IL7: variants seen among roughly 807,000 people sequenced by gnomAD.
IL7 encodes interleukin 7, also known as interleukin-7.
IL7 carries 3 observed loss-of-function variants against 21.6 expected under a neutral mutation model. The observed-to-expected ratio is 0.14, with a 90% confidence interval of 0.06 to 0.36. The LOEUF (loss-of-function observed/expected upper bound fraction) is 0.36, where lower values mean the gene tolerates loss of function less well. Ranked by LOEUF, IL7 falls within the 10% of genes least tolerant of loss-of-function variation. The pLI, the probability that IL7 is intolerant of heterozygous loss-of-function variation, is 1.00. For missense variants in IL7, 175 were observed against 200.2 expected (o/e 0.87, Z 0.76); for synonymous variants, 62 against 68.1 (o/e 0.91, Z 0.44).
intron 2 of IL7, among the ~76,000 whole-genome samples, chr8:78,790,082 T>A (rs1298764769): frequency 6.7e-6 from 1 of 149,260 alleles, no homozygotes; most frequent in Admixed American, 6.6e-5. Flanking sequence ...TGGAATAGAG[T>A]CACAGTTAAA....
intron 3 of IL7, among the ~76,000 whole-genome samples, chr8:78,721,641 C>T (rs557617750): frequency 6.6e-6 from 1 of 151,976 alleles, no homozygotes; most frequent in Non-Finnish European, 1.5e-5. Context: ...TGCGGATTTT[C>T]ACTCATCAAA....
At chr8:78,721,502 C>T (rs1228868222) in intron 3 of IL7, 1 of 152,030 alleles carries the variant, frequency 6.6e-6, no homozygotes, top group Non-Finnish European at 1.5e-5. Flanking sequence ...TCTTATCTCA[C>T]TTTTTCCTCT....
chr8:78,778,375 A>G (rs1467356988), intron 2 of IL7, among the ~76,000 whole-genome samples: 1 of 152,080 alleles, frequency 6.6e-6, no homozygotes. Context: ...TTCCACTCTG[A>G]GTCACTAGAG....
intron 2 of IL7, among the ~76,000 whole-genome samples, chr8:78,789,347 A>G (rs1249803729): frequency 6.6e-6 from 1 of 152,212 alleles, no homozygotes; most frequent in Non-Finnish European, 1.5e-5. Flanking sequence ...GCATAAATTG[A>G]TATTAAAAAA....
At chr8:78,790,586 C>G (rs1360756475) in intron 2 of IL7, among the ~76,000 whole-genome samples, 1 of 152,092 alleles carries the variant, frequency 6.6e-6, no homozygotes. Context: ...AACATAAAAT[C>G]TGTCCTTAAT....
intron 2 of IL7, among the ~76,000 whole-genome samples, chr8:78,771,616 A>G (rs1284832465): frequency 3.3e-5 from 5 of 152,124 alleles, no homozygotes; most frequent in Non-Finnish European, 5.9e-5. Flanking sequence ...AGTTGAAAGC[A>G]TTCAACTGGG....
intron 1 of IL7, among the ~76,000 whole-genome samples, chr8:78,799,586 T>C (rs1813982380): frequency 6.6e-6 from 1 of 152,114 alleles, no homozygotes; most frequent in South Asian, 2.1e-4. Flanking sequence ...ATAATGATGA[T>C]GATGCTAGTT....
chr8:78,737,751 CATAAA>C (rs1287725205), intron 4 of IL7, among the ~76,000 whole-genome samples: 2 of 151,942 alleles, frequency 1.3e-5, no homozygotes, highest in African/African-American at 4.8e-5. Flanking sequence ...TATTTAAAAC[CATAAA>C]ATAAACTTTT....
Position 78,684,405 on chromosome 8 carries a change from G to A in IL7, n.273+1484C>T, listed in dbSNP as rs1809887999. ...TTTGTAAAACCATCAGATCTCATGA[G>A]ACTCATTCACTGTCATGAGGACGGC... On this transcript the variant is annotated intron_variant and non_coding_transcript_variant, in intron 4 of 4. Coordinates refer to the IL7 transcript ENST00000523959. 2.0e-5 allele frequency among the ~76,000 whole-genome samples: 3 copies of A among 151,810 alleles called. No homozygotes were observed. The South Asian group carries it at 6.2e-4, about 31-fold the overall frequency.
At chr8:78,719,944 G>A (rs954061667) in intron 5 of IL7, among the ~76,000 whole-genome samples, 1 of 151,666 alleles carries the variant, frequency 6.6e-6, no homozygotes, top group African/African-American at 2.4e-5. Flanking sequence ...TTATTGAAGT[G>A]TTTTCTGACA....
downstream of IL7, among the ~76,000 whole-genome samples, chr8:78,713,710 CA>C (rs1255682405): frequency 6.6e-6 from 1 of 152,136 alleles, no homozygotes; most frequent in Non-Finnish European, 1.5e-5. Context: ...AGTAACTATG[CA>C]AAGCAACCAC....
chr8:78,755,597 T>C (rs1812320322), intron 2 of IL7, among the ~76,000 whole-genome samples: 1 of 151,936 alleles, frequency 6.6e-6, no homozygotes, highest in South Asian at 2.1e-4. Flanking sequence ...TGGCAAAAAT[T>C]GTAAATCAGA....
chr8:78,701,165 C>A (rs140780191), intron 3 of IL7, among the ~76,000 whole-genome samples: 1 of 152,130 alleles, frequency 6.6e-6, no homozygotes, highest in Non-Finnish European at 1.5e-5. Context: ...TCTTTAATTT[C>A]TTTGAGCATT....
chr8:78,715,353 TA>T, downstream of IL7: 1 of 1,571,672 alleles, frequency 6.4e-7, no homozygotes, highest in Non-Finnish European at 8.6e-7. Flanking sequence ...GCTCTCCCAA[TA>T]ACTAAAATAA....
downstream of IL7, among the ~76,000 whole-genome samples, chr8:78,730,404 A>ATAT (rs1811403710): frequency 6.6e-6 from 1 of 151,998 alleles, no homozygotes; most frequent in Non-Finnish European, 1.5e-5. Context: ...TTGTCCTACG[A>ATAT]TATTTCCATA....
At chr8:78,771,019 A>G (rs1429371303) in intron 2 of IL7, among the ~76,000 whole-genome samples, 1 of 152,050 alleles carries the variant, frequency 6.6e-6, no homozygotes, top group Non-Finnish European at 1.5e-5. Flanking sequence ...GAAATGACGA[A>G]CTTCATGAAA....
chr8:78,765,309 A>G (rs1812721682), intron 2 of IL7, among the ~76,000 whole-genome samples: 1 of 152,126 alleles, frequency 6.6e-6, no homozygotes. Flanking sequence ...GGCATGATCT[A>G]TGAAAGAGGT....
chr8:78,713,008 G>C (rs181007433), downstream of IL7, among the ~76,000 whole-genome samples: 2 of 152,282 alleles, frequency 1.3e-5, no homozygotes, highest in Admixed American at 6.5e-5. Flanking sequence ...CTAGCAGGAA[G>C]AGTTTGTGCT....
chr8:78,713,459 T>C (rs1212515410), downstream of IL7, among the ~76,000 whole-genome samples: 3 of 149,674 alleles, frequency 2.0e-5, no homozygotes, highest in Non-Finnish European at 3.0e-5. Flanking sequence ...GACGATTCTA[T>C]AGCCAAAAAA....
Sources: allele counts gnomAD v4.1 joint callset (sites outside exome capture counted in the v4.1 genomes callset), GRCh38; gene constraint gnomAD v4.1.1; transcripts MANE v1.5; gene names NCBI Gene and HGNC (gene_info 2026-07-23, HGNC 2026-07-21).